NFIX: variants seen among roughly 807,000 people sequenced by gnomAD.
NFIX encodes the protein nuclear factor I X, also known as nuclear factor 1 X-type.
Under a neutral mutation model 53.3 loss-of-function variants are expected in NFIX, and 2 were observed. The observed-to-expected ratio is 0.04, with a 90% CI of 0.02 to 0.12. NFIX has a LOEUF of 0.12. Among genes scored for constraint, NFIX ranks in the 10% least tolerant of loss-of-function variants. The pLI is 1.00. For missense variants in NFIX, 310 were observed against 674.5 expected, an observed-to-expected ratio of 0.46 and a Z score of 5.99; for synonymous variants, 244 against 289.0, an observed-to-expected ratio of 0.84 and a Z score of 1.58.
In NFIX at chr19:12,995,821, C is replaced by A; in HGVS notation, c.-17C>A. 1 of 997,612 alleles carries A rather than the reference C, an allele frequency of 1.0e-6. No individual in the cohort carries two copies. Among genetic ancestry groups the A allele is most frequent in the South Asian group, 4.2e-5 (1 of 23,664 alleles). 61.8% of individuals were successfully genotyped at this position (997,612 alleles called of 1,614,324 possible). A position where few individuals can be genotyped will look rare whatever the true frequency, so the allele number is the denominator to read the frequency against. On this transcript the variant is annotated 5_prime_UTR_variant, in exon 1 of 11. Transcript: ENST00000592199. Reference sequence around the variant, plus strand: ...TCGCCGCGGCCGGCCGCCGCGCTCCCGCCCGGGCGCCCAGCTATGTACTCC... The same window carrying A: ...TCGCCGCGGCCGGCCGCCGCGCTCCAGCCCGGGCGCCCAGCTATGTACTCC...
At position 13,096,819 on chromosome 19, in the gene NFIX, C is replaced by T. The variant is rs1259666844; in HGVS notation, c.*2170C>T. 4.0e-5 allele frequency: 6 copies of T among 151,382 alleles called. No homozygotes were observed. Among genetic ancestry groups the T allele is most frequent in the Non-Finnish European group, 7.4e-5 (5 of 67,766 alleles). The allele number at this position is 151,382 out of a possible 1,614,324, so 9.4% of individuals were successfully genotyped here. ...CCCGGGCGAGGTCGGAAGCTGCAGGCCAGCTGGGCCCGGGCCGGAGCGTGC... is the reference window on the plus strand; with the variant it reads ...CCCGGGCGAGGTCGGAAGCTGCAGGTCAGCTGGGCCCGGGCCGGAGCGTGC... On this transcript the variant is annotated 3_prime_UTR_variant, in exon 11 of 11. Transcript: ENST00000592199.
At chr19:13,092,614 G>C (rs2018208294) in intron 10 of NFIX, among the ~76,000 whole-genome samples, 1 of 152,226 alleles carries the variant, frequency 6.6e-6, no homozygotes, top group African/African-American at 2.4e-5. Flanking sequence ...TGAGGAGAGG[G>C]GTGGGCTTAC....
chr19:13,051,134 ACTGTG>A lies in NFIX; in HGVS notation c.560-21909_560-21905del, dbSNP rs1360323754. Among the ~76,000 whole-genome samples the A allele has an allele frequency of 6.6e-6, 1 of 152,198 alleles. No homozygotes were observed. The highest frequency in any genetic ancestry group is 1.5e-5 in the Non-Finnish European group (1 of 68,028). On this transcript the variant is annotated intron_variant, in intron 2 of 10. Transcript: ENST00000592199. The surrounding 1 kb of genome is among the most constrained non-coding windows in gnomAD (Gnocchi z 5.1). ...GGAGTAGCTGCCCCATGGCTTGGGT[ACTGTG>A]CTGCAGATCTCATCGCTGAAGGTGT...
At chr19:13,003,395 C>T (rs924879441) in intron 1 of NFIX, among the ~76,000 whole-genome samples, 2 of 152,162 alleles carry the variant, frequency 1.3e-5, no homozygotes, top group African/African-American at 4.8e-5. Flanking sequence ...AGCACAGACA[C>T]AGGCTCTGCC....
At chr19:13,053,140 GGGT>G (rs761265848) in intron 2 of NFIX, among the ~76,000 whole-genome samples, 6 of 152,146 alleles carry the variant, frequency 3.9e-5, no homozygotes, top group Non-Finnish European at 8.8e-5. Context: ...CTGGTGTGCT[GGGT>G]GGTTTGACAG....
rs540026204 is a variant in NFIX, at chr19:13,049,743, G to A, written c.560-23304G>A. The stretch of plus-strand genomic sequence containing the variant: ...TAAGTAGCTGGGACTACAGGCGCCC[G>A]CCACCATGCCCAGCTAATTTTTGTG... On this transcript the variant is annotated intron_variant, in intron 2 of 10. Coordinates refer to ENST00000592199, the MANE Select transcript of NFIX (RefSeq NM_001365902.3). The surrounding 1 kb of genome is among the most constrained non-coding windows in gnomAD (Gnocchi z 4.5). 3.3e-5 allele frequency among the ~76,000 whole-genome samples: 5 copies of A among 152,006 alleles called. No homozygotes were observed. The South Asian group carries it at 8.3e-4, about 25-fold the overall frequency.
At chr19:13,035,039 C>T (rs2014086486) in intron 2 of NFIX, among the ~76,000 whole-genome samples, 1 of 152,144 alleles carries the variant, frequency 6.6e-6, no homozygotes, top group Non-Finnish European at 1.5e-5. Flanking sequence ...CACCTCCCTC[C>T]CCAAGGTGTG....
chr19:13,034,003 G>A (rs565039588), intron 2 of NFIX, among the ~76,000 whole-genome samples: 1 of 152,162 alleles, frequency 6.6e-6, no homozygotes, highest in Non-Finnish European at 1.5e-5. Context: ...AGGAGGACCC[G>A]AAGTACAGAG....
chr19:13,061,198 T>C (rs2016065329), intron 2 of NFIX, among the ~76,000 whole-genome samples: 1 of 150,384 alleles, frequency 6.6e-6, no homozygotes, highest in Non-Finnish European at 1.5e-5. Flanking sequence ...AGTCAAGCTA[T>C]GCACCTGGCA....
intron 2 of NFIX, among the ~76,000 whole-genome samples, chr19:13,055,631 AG>A (rs901348675): frequency 2.7e-4 from 41 of 151,518 alleles, no homozygotes; most frequent in South Asian, 4.2e-4. Flanking sequence ...GGGCTGGGGG[AG>A]GGGGGGGTCT....
rs2011753161 is a variant in NFIX at position 13,002,294 on chromosome 19, C to A, written c.27+6430C>A. 6.6e-6 allele frequency among the ~76,000 whole-genome samples: 1 copy of A among 151,976 alleles called. No homozygotes were observed. Among genetic ancestry groups the A allele is most frequent in the African/African-American group, 2.4e-5 (1 of 41,374 alleles). Reference sequence around the variant, plus strand: ...CCTCCTGCCAAACGCGTCTTGGCTCCGTCTGAATATCTCTCCTCCTCGATT... The same window carrying A: ...CCTCCTGCCAAACGCGTCTTGGCTCAGTCTGAATATCTCTCCTCCTCGATT... On this transcript the variant is annotated intron_variant, in intron 1 of 10. Transcript: ENST00000592199. The surrounding 1 kb of genome is among the most constrained non-coding windows in gnomAD (Gnocchi z 6.1).
chr19:13,001,650 C>T lies in NFIX; in HGVS notation c.27+5786C>T, dbSNP rs2011704667. Among the ~76,000 whole-genome samples the T allele has an allele frequency of 6.6e-6, 1 of 152,150 alleles. No homozygotes were observed. Among genetic ancestry groups the T allele is most frequent in the Non-Finnish European group, 1.5e-5 (1 of 68,022 alleles). On this transcript the variant is annotated intron_variant, in intron 1 of 10. Transcript: ENST00000592199. The surrounding 1 kb of genome is among the most constrained non-coding windows in gnomAD (Gnocchi z 6.5). Reference sequence around the variant, plus strand: ...TTGGCCTGTCCGTGTCAACTTGTGTCCACATACGTGTCAACGCACGTGTCT... The same window carrying T: ...TTGGCCTGTCCGTGTCAACTTGTGTTCACATACGTGTCAACGCACGTGTCT...
At chr19:13,053,289 C>T (rs2015439642) in intron 2 of NFIX, among the ~76,000 whole-genome samples, 1 of 152,150 alleles carries the variant, frequency 6.6e-6, no homozygotes, top group South Asian at 2.1e-4. Flanking sequence ...CCCTAGTCAC[C>T]CCAACCCACT....
Position 13,078,682 on chromosome 19 carries a change from C to A in NFIX, c.1025C>A (p.Pro342Gln). The A allele has an allele frequency of 6.3e-7, 1 of 1,599,272 alleles. No individual in the cohort carries two copies. The highest frequency in any genetic ancestry group is 2.3e-5 in the East Asian group (1 of 44,180). The part of the protein sequence containing the change: ...CSALSSQGSS[P>Q]RMAFTHHPLP... ...GCCCTCTCCTCTCAGGGCAGCTCCC[C>A]GCGCATGGCTTTCACCCACCACCCG... The change falls in exon 7 of 11, where the codon CCG (proline) becomes CAG (glutamine). Residue 342 changes from proline (P) to glutamine (Q), a missense_variant. Pro to Gln is a moderately conservative substitution (Grantham distance 76). Coordinates refer to ENST00000592199, the MANE Select transcript of NFIX (RefSeq NM_001365902.3). This position sits in a 1 kb window ranked among gnomAD's most constrained non-coding sequence, Gnocchi z 4.7.
chr19:13,075,850 G>A (rs541287208), intron 6 of NFIX, among the ~76,000 whole-genome samples, 179 bp downstream of exon 6: 2 of 152,336 alleles, frequency 1.3e-5, no homozygotes, highest in Admixed American at 6.5e-5. Context: ...AGGGAGTGGA[G>A]GTGAGGGTGA....
Position 13,002,561 on chromosome 19 carries a change from G to A in NFIX, c.27+6697G>A, listed in dbSNP as rs374463203. 6.6e-6 allele frequency among the ~76,000 whole-genome samples: 1 copy of A among 152,120 alleles called. No individual in the cohort carries two copies. Among genetic ancestry groups the A allele is most frequent in the African/African-American group, 2.4e-5 (1 of 41,428 alleles). On this transcript the variant is annotated intron_variant, in intron 1 of 10. Coordinates refer to ENST00000592199, the MANE Select transcript of NFIX (RefSeq NM_001365902.3). The surrounding 1 kb of genome is among the most constrained non-coding windows in gnomAD (Gnocchi z 6.1). ...GGGCAGGGTGACTGAGCTGCCCGGCGGGGCGGGCGGGCAGGGAGGGGTCGG... is the reference window on the plus strand; with the variant it reads ...GGGCAGGGTGACTGAGCTGCCCGGCAGGGCGGGCGGGCAGGGAGGGGTCGG...
In NFIX at chr19:13,064,074, ACC is replaced by A. The variant is rs33919527; in HGVS notation, c.560-8965_560-8964del. 5.3e-5 allele frequency among the ~76,000 whole-genome samples: 8 copies of A among 150,806 alleles called. No individual in the cohort carries two copies. In the South Asian group the frequency reaches 6.3e-4, roughly 12 times the overall value. On this transcript the variant is annotated intron_variant, in intron 2 of 10. Transcript: ENST00000592199. ...TCTGCAGGCCCCTTGCTGGGATGGG[ACC>A]CCCCCCCTCCCCAGGGCCCCTCTCT...
intron 1 of NFIX, among the ~76,000 whole-genome samples, chr19:13,004,243 G>A (rs1424267432): frequency 1.3e-5 from 2 of 151,822 alleles, no homozygotes; most frequent in South Asian, 2.1e-4. Context: ...TGCATCCCCA[G>A]ATACACAGTA....
chr19:13,000,873 C>T (rs371424837), intron 1 of NFIX, among the ~76,000 whole-genome samples: 6 of 152,120 alleles, frequency 3.9e-5, no homozygotes, highest in Admixed American at 6.5e-5. Context: ...TTGGCCGTGG[C>T]GCCGTGGCTG....
Sources: allele counts gnomAD v4.1 joint callset (sites outside exome capture counted in the v4.1 genomes callset), GRCh38; gene constraint gnomAD v4.1.1; non-coding constraint Gnocchi (gnomAD v3.1); transcripts MANE v1.5; gene names NCBI Gene and HGNC (gene_info 2026-07-23, HGNC 2026-07-21).